The following CFAP43 variants were observed in gnomAD, a reference collection of about 807,000 sequenced individuals.
CFAP43 encodes the protein cilia and flagella associated protein 43, also known as cilia- and flagella-associated protein 43.
Under a neutral mutation model 218.9 loss-of-function variants are expected in CFAP43, and 155 were observed. The ratio of observed to expected loss-of-function variants is 0.71; its 90% confidence interval spans 0.62 to 0.81. CFAP43 has a LOEUF of 0.81. Among genes scored for constraint, CFAP43 ranks in the 30% least tolerant of loss-of-function variants. The pLI is 0.00. For synonymous variants in CFAP43, 645 were observed against 681.3 expected (o/e 0.95, Z 0.83); for missense variants, 1,778 against 1,954.3 (o/e 0.91, Z 1.70).
intron 19 of CFAP43, among the ~76,000 whole-genome samples, chr10:104,176,523 A>G (rs2089636026): frequency 6.6e-6 from 1 of 152,250 alleles, no homozygotes; most frequent in African/African-American, 2.4e-5. Flanking sequence ...AGTTAAAAGA[A>G]AGTATTTAGA....
Position 104,182,380 on chromosome 10 carries a change from C to T in CFAP43, c.2275G>A (p.Asp759Asn), listed in dbSNP as rs371818189. Reference sequence around the variant, plus strand: ...AGGAACTCAACTGTGTGTTCAGAATCGGATCCCAAATCTACGGAAACTTTT... The same window carrying T: ...AGGAACTCAACTGTGTGTTCAGAATTGGATCCCAAATCTACGGAAACTTTT... ...TPKVSVDLGS[D>N]SEHTKQKAST... is the part of the protein sequence containing the mutation. The change falls in exon 17 of 38, where the codon GAT becomes AAT. Residue 759 changes from aspartate to asparagine, a missense_variant. Around this residue, in one of 3 missense-constraint regions of CFAP43, gnomAD observed 1,553 missense variants for 1,685.2 expected, o/e 0.92. Coordinates refer to ENST00000357060, the MANE Select transcript of CFAP43 (RefSeq NM_025145.7). 6.0e-5 allele frequency: 97 copies of T among 1,606,128 alleles called. No individual in the cohort carries two copies. The highest frequency in any genetic ancestry group is 2.6e-4 in the Admixed American group (15 of 58,346).
intron 4 of CFAP43, among the ~76,000 whole-genome samples, chr10:104,213,013 A>G (rs981639178): frequency 5.9e-5 from 9 of 152,212 alleles, no homozygotes; most frequent in Admixed American, 3.3e-4. Context: ...AGAACGTTTG[A>G]GGGAGGCAAA....
At chr10:104,147,237 A>G (rs142218157) in intron 29 of CFAP43, among the ~76,000 whole-genome samples, 55 of 151,204 alleles carry the variant, frequency 3.6e-4, no homozygotes, top group African/African-American at 1.1e-3. Flanking sequence ...TGCTATATGT[A>G]AAGTTGTATT....
At chr10:104,154,116 T>C (rs2088418396) in intron 27 of CFAP43, among the ~76,000 whole-genome samples, 1 of 152,226 alleles carries the variant, frequency 6.6e-6, no homozygotes, top group Non-Finnish European at 1.5e-5. Flanking sequence ...AAGTTAGTTT[T>C]TCCATTTGTA....
chr10:104,162,208 G>C, intron 25 of CFAP43, 109 bp downstream of exon 25: 1 of 1,254,952 alleles, frequency 8.0e-7, no homozygotes, highest in Non-Finnish European at 1.2e-6. Flanking sequence ...TGAGATTCAA[G>C]TGACCTCTGA....
intron 1 of CFAP43, among the ~76,000 whole-genome samples, chr10:104,231,439 CAAGT>C (rs912461211): frequency 1.3e-5 from 2 of 152,088 alleles, no homozygotes; most frequent in African/African-American, 2.4e-5. Flanking sequence ...AACATACTCT[CAAGT>C]AAGGAGTGCG....
At chr10:104,205,847 A>T in intron 7 of CFAP43, 116 bp downstream of exon 7, 1 of 845,438 alleles carries the variant, frequency 1.2e-6, no homozygotes, top group South Asian at 1.6e-5. Context: ...AAACCATTTT[A>T]ATTAATAATG....
rs1488386365 is a variant in CFAP43 at position 104,145,514 on chromosome 10, T to G, written c.3906A>C (p.Gln1302His). Reference protein sequence around the residue: ...KKEFSEIPGHQVDILYKLFKR... With the variant: ...KKEFSEIPGHHVDILYKLFKR... Reference sequence around the variant, plus strand: ...TAAAAAGTTTGTAGAGTATATCCACTTGATGACCAGGAATTTCAGAAAATT... The same window carrying G: ...TAAAAAGTTTGTAGAGTATATCCACGTGATGACCAGGAATTTCAGAAAATT... The change falls in exon 31 of 38, where the codon CAA (glutamine) becomes CAC (histidine). Residue 1302 changes from glutamine to histidine, a missense_variant. Coordinates refer to ENST00000357060, the MANE Select transcript of CFAP43 (RefSeq NM_025145.7). The G allele has an allele frequency of 6.2e-7, 1 of 1,604,028 alleles. No homozygotes were observed. Among genetic ancestry groups the G allele is most frequent in the South Asian group, 1.1e-5 (1 of 90,068 alleles).
intron 8 of CFAP43, among the ~76,000 whole-genome samples, chr10:104,200,864 A>G (rs1300062700): frequency 1.3e-5 from 2 of 152,110 alleles, no homozygotes; most frequent in Non-Finnish European, 2.9e-5. Context: ...AGTTCACAGT[A>G]GTAGCAGATA....
At position 104,161,835 on chromosome 10, in the gene CFAP43, G is replaced by C. The variant is rs796550939; in HGVS notation, c.3414+126C>G. ...TGTGGTAGGTTTATAAGGTACTACG[G>C]AGGTTGTATAATAGTTGTTGCTGTA... is the stretch of plus-strand genomic sequence containing the variant. On this transcript the variant is annotated intron_variant, in intron 26 of 37. Coordinates refer to ENST00000357060, the MANE Select transcript of CFAP43 (RefSeq NM_025145.7). 6.3e-6 allele frequency: 5 copies of C among 799,722 alleles called. No homozygotes were observed. In the African/African-American group the frequency reaches 8.6e-5, roughly 14 times the overall value. The allele number at this position is 799,722 out of a possible 1,614,324, so 49.5% of individuals were successfully genotyped here.
At chr10:104,218,665 G>A in intron 3 of CFAP43, 1 of 448,118 alleles carries the variant, frequency 2.2e-6, no homozygotes, top group Non-Finnish European at 4.4e-6. Flanking sequence ...AAAAGCCCTT[G>A]AGGTAGTCCC....
intron 37 of CFAP43, 50 bp downstream of exon 37, chr10:104,131,281 T>G: frequency 6.3e-7 from 1 of 1,575,978 alleles, no homozygotes; most frequent in East Asian, 2.2e-5. Flanking sequence ...GGATTACTGA[T>G]TACTTTTAAA....
chr10:104,189,672 C>T (rs1055175589), intron 12 of CFAP43, among the ~76,000 whole-genome samples: 1 of 152,076 alleles, frequency 6.6e-6, no homozygotes, highest in African/African-American at 2.4e-5. Flanking sequence ...GGTTCTATTC[C>T]CAGCTTCTTC....
At chr10:104,139,912 T>C (rs560045383) in intron 34 of CFAP43, among the ~76,000 whole-genome samples, 22 of 152,316 alleles carry the variant, frequency 1.4e-4, no homozygotes, top group African/African-American at 4.6e-4. Context: ...TTTGTGTTTA[T>C]AGCATTTGTA....
intron 10 of CFAP43, 102 bp downstream of exon 10, chr10:104,196,751 C>A (rs1239844368): frequency 6.4e-5 from 62 of 961,930 alleles, no homozygotes; most frequent in Non-Finnish European, 8.9e-5. Flanking sequence ...AGTGAGGCTT[C>A]GGTAACAAGT....
At position 104,152,789 on chromosome 10, in the gene CFAP43, T is replaced by C. The variant is rs538826550; in HGVS notation, c.3541-63A>G. On this transcript the variant is annotated intron_variant, in intron 27 of 37. Transcript: ENST00000357060. ...TATTAAAGGCTCCTAGGAAGTGATG[T>C]TTACATTTCACCACAAGGGAGGGGC... is the stretch of plus-strand genomic sequence containing the variant. 4.9e-5 allele frequency: 76 copies of C among 1,544,704 alleles called. 1 individual carries two copies. In the South Asian group the frequency reaches 8.9e-4, roughly 18 times the overall value.
chr10:104,149,684 G>A (rs1477582814), intron 28 of CFAP43, among the ~76,000 whole-genome samples: 1 of 152,006 alleles, frequency 6.6e-6, no homozygotes, highest in East Asian at 1.9e-4. Context: ...GAATTATTTT[G>A]ATATTACTGA....
At chr10:104,141,337 C>T (rs372636539) in intron 33 of CFAP43, among the ~76,000 whole-genome samples, 3 of 152,238 alleles carry the variant, frequency 2.0e-5, no homozygotes, top group East Asian at 3.9e-4. Flanking sequence ...TCTGGCCAGG[C>T]GCAGTGGCTC....
intron 28 of CFAP43, 91 bp downstream of exon 28, chr10:104,152,516 G>A: frequency 6.4e-7 from 1 of 1,557,232 alleles, no homozygotes; most frequent in Admixed American, 2.0e-5. Flanking sequence ...CAAGATCTTA[G>A]TACCTGGTAA....
Sources: gnomAD v4.1 joint callset for allele counts (sites outside exome capture counted in the v4.1 genomes callset) on GRCh38, gnomAD v4.1.1 for gene constraint, gnomAD v4.1.1 regional missense constraint, MANE v1.5 for transcripts, NCBI Gene and HGNC (gene_info 2026-07-23, HGNC 2026-07-21) for gene names.